EDNRB: variants seen among roughly 807,000 people sequenced by gnomAD.
EDNRB encodes endothelin receptor type B, also known as Hirschsprung disease 2.
In EDNRB, 18 loss-of-function variants were observed where a neutral mutation model predicts 46.4. The observed-to-expected ratio is 0.39, with a 90% CI of 0.27 to 0.57. The LOEUF (loss-of-function observed/expected upper bound fraction) is 0.57. Ranked by LOEUF, EDNRB falls within the 20% of genes least tolerant of loss-of-function variation. The probability of loss-of-function intolerance (pLI) is 0.61; values close to 1 mark genes in which losing one functional copy is unlikely to be tolerated. For missense variants in EDNRB, 434 were observed against 537.5 expected (o/e 0.81, Z 1.90); for synonymous variants, 213 against 204.9 (o/e 1.04, Z -0.34).
intron 1 of EDNRB, among the ~76,000 whole-genome samples, chr13:77,941,703 A>T (rs113806270): frequency 3.3e-5 from 5 of 152,206 alleles, no homozygotes; most frequent in Non-Finnish European, 7.3e-5. Flanking sequence ...TGGTGATGGA[A>T]GTTTTCTAAG....
chr13:77,940,620 G>A lies in EDNRB; in HGVS notation c.-51-21996C>T, dbSNP rs1259555856. On this transcript the variant is annotated intron_variant, in intron 1 of 7. Transcript: ENST00000646948. ...GTGGTTTACCTCTTAGGCATGAGAA[G>A]CATGTATACTCACACTGCGTGTTAT... Among the ~76,000 whole-genome samples the A allele has an allele frequency of 2.6e-5, 4 of 152,064 alleles. No homozygotes were observed. The East Asian group carries it at 7.7e-4, about 29-fold the overall frequency.
chr13:77,955,848 T>TCTATCTATCTATCTAA (rs1373145890), intron 1 of EDNRB, among the ~76,000 whole-genome samples: 2,274 of 76,666 alleles, frequency 0.03, 56 homozygotes, highest in African/African-American at 0.1. Context: ...TGTGTGTGTA[T>TCTATCTATCTATCTAA]CTATCTATCT....
rs143645762 is a variant in EDNRB, at chr13:77,946,910, A to G, written c.-51-28286T>C. 6.3e-3 allele frequency among the ~76,000 whole-genome samples: 967 copies of G among 152,342 alleles called. 12 individuals carry two copies. The highest frequency in any genetic ancestry group is 0.021 in the African/African-American group (888 of 41,580). ...ATTTATTTCCACACTTCCAAGGGGC[A>G]AGGGTGAGAAATGGTTCTTTAAAGC... is the stretch of plus-strand genomic sequence containing the variant. On this transcript the variant is annotated intron_variant, in intron 1 of 7. Transcript: ENST00000646948.
intron 1 of EDNRB, among the ~76,000 whole-genome samples, chr13:77,969,261 T>C (rs1336326873): frequency 6.6e-6 from 1 of 152,242 alleles, no homozygotes; most frequent in Non-Finnish European, 1.5e-5. Flanking sequence ...AAGTTAATTC[T>C]GTAACCAGGT....
intron 1 of EDNRB, among the ~76,000 whole-genome samples, chr13:77,950,686 C>T (rs921052558): frequency 1.3e-5 from 2 of 152,212 alleles, no homozygotes; most frequent in African/African-American, 4.8e-5. Context: ...TTCCCTCCAG[C>T]TTACAAAACA....
intron 1 of EDNRB, among the ~76,000 whole-genome samples, chr13:77,907,236 T>A (rs1434481686): frequency 6.6e-6 from 1 of 151,938 alleles, no homozygotes; most frequent in African/African-American, 2.4e-5. Flanking sequence ...GAACAGCAGA[T>A]TGCCTTACCC....
intron 1 of EDNRB, among the ~76,000 whole-genome samples, chr13:77,932,761 T>C (rs1216508408): frequency 1.3e-5 from 2 of 152,250 alleles, no homozygotes; most frequent in South Asian, 4.1e-4. Flanking sequence ...ATCTGTTCAA[T>C]AATTGGTGTT....
intron 1 of EDNRB, among the ~76,000 whole-genome samples, chr13:77,943,059 CTT>C (rs1880798879): frequency 1.3e-5 from 2 of 152,094 alleles, no homozygotes; most frequent in Admixed American, 1.3e-4. Context: ...CAATTCCTGA[CTT>C]AAGTTATTCT....
At chr13:77,951,063 T>G (rs1182938117) in intron 1 of EDNRB, among the ~76,000 whole-genome samples, 2 of 152,052 alleles carry the variant, frequency 1.3e-5, no homozygotes, top group African/African-American at 4.8e-5. Flanking sequence ...ACCCAAATAA[T>G]ATAGGTGAGC....
At chr13:77,958,344 TTTTATTTATTTATTTA>T (rs147945804) in intron 1 of EDNRB, among the ~76,000 whole-genome samples, 52 of 145,632 alleles carry the variant, frequency 3.6e-4, no homozygotes, top group East Asian at 6.0e-4. Flanking sequence ...TCCCAGGTTA[TTTTATTTATTTATTTA>T]TTTATTTATT....
chr13:77,923,677 G>A (rs1880148293), upstream of EDNRB, among the ~76,000 whole-genome samples: 1 of 151,888 alleles, frequency 6.6e-6, no homozygotes, highest in South Asian at 2.1e-4. Context: ...ATACCTGAAT[G>A]AAGTGTCCAA....
intron 1 of EDNRB, among the ~76,000 whole-genome samples, chr13:77,963,740 C>G (rs566118900): frequency 1.3e-5 from 2 of 152,310 alleles, no homozygotes; most frequent in Admixed American, 1.3e-4. Context: ...ACACCAAAAG[C>G]AATGGCAACA....
chr13:77,956,089 G>T (rs1293550314), intron 1 of EDNRB, among the ~76,000 whole-genome samples: 1 of 152,056 alleles, frequency 6.6e-6, no homozygotes, highest in Admixed American at 6.6e-5. Flanking sequence ...ACAGAGATTG[G>T]ATCGAATCTG....
At chr13:77,950,019 T>C (rs1881044122) in intron 1 of EDNRB, among the ~76,000 whole-genome samples, 1 of 152,256 alleles carries the variant, frequency 6.6e-6, no homozygotes, top group Admixed American at 6.5e-5. Flanking sequence ...ATATATATCA[T>C]GGTTTGGGTT....
upstream of EDNRB, among the ~76,000 whole-genome samples, chr13:77,921,556 G>A (rs1880086252): frequency 6.6e-6 from 1 of 152,186 alleles, no homozygotes; most frequent in Non-Finnish European, 1.5e-5. Flanking sequence ...TTGAATGCAT[G>A]TCTAAATGGT....
At chr13:77,958,726 T>C (rs752667218) in intron 1 of EDNRB, among the ~76,000 whole-genome samples, 1 of 152,208 alleles carries the variant, frequency 6.6e-6, no homozygotes, top group Non-Finnish European at 1.5e-5. Context: ...TTTATATTAA[T>C]GAGACTAAAC....
At chr13:77,934,948 A>G (rs2137657918) in intron 1 of EDNRB, among the ~76,000 whole-genome samples, 1 of 150,578 alleles carries the variant, frequency 6.6e-6, no homozygotes, top group East Asian at 2.0e-4. Context: ...CAGGTGGATC[A>G]GAGAGATACA....
chr13:77,945,985 C>T (rs573859390), intron 1 of EDNRB, among the ~76,000 whole-genome samples: 9 of 151,848 alleles, frequency 5.9e-5, no homozygotes, highest in Non-Finnish European at 1.3e-4. Context: ...CAAAGATAGT[C>T]AGGCTTTGCC....
At chr13:77,926,478 T>C (rs188193412) in intron 1 of EDNRB, among the ~76,000 whole-genome samples, 63 of 152,340 alleles carry the variant, frequency 4.1e-4, no homozygotes, top group Middle Eastern at 3.4e-3. Flanking sequence ...GCTGCCAGTC[T>C]CTTTGCTAAA....
Sources: gnomAD v4.1 joint callset for allele counts (sites outside exome capture counted in the v4.1 genomes callset) on GRCh38, gnomAD v4.1.1 for gene constraint, MANE v1.5 for transcripts, NCBI Gene and HGNC (gene_info 2026-07-23, HGNC 2026-07-21) for gene names.